Variants in SEMA5A observed in about 807,000 individuals in gnomAD.
SEMA5A encodes semaphorin-5A.
Under a neutral mutation model 135.5 loss-of-function variants are expected in SEMA5A, and 55 were observed. That is an observed-to-expected ratio of 0.41 (90% confidence interval 0.33 to 0.51). The LOEUF is 0.51. SEMA5A is among the 20% of genes least tolerant of loss of function. SEMA5A has a pLI of 0.37. For missense variants in SEMA5A, 1,290 were observed against 1,419.9 expected (o/e 0.91, Z 1.47); for synonymous variants, 580 against 546.5 (o/e 1.06, Z -0.85).
intron 3 of SEMA5A, among the ~76,000 whole-genome samples, chr5:9,376,413 C>G (rs1277668552): frequency 6.6e-6 from 1 of 152,204 alleles, no homozygotes; most frequent in African/African-American, 2.4e-5. Context: ...CACCTTCTAA[C>G]AATCACTTGG....
At chr5:9,287,179 C>T (rs906303550) in intron 5 of SEMA5A, among the ~76,000 whole-genome samples, 7 of 152,130 alleles carry the variant, frequency 4.6e-5, no homozygotes, top group Non-Finnish European at 7.4e-5. Flanking sequence ...CACATGTGTA[C>T]GATGGATACA....
At chr5:9,222,519 G>A (rs1265379777) in intron 8 of SEMA5A, among the ~76,000 whole-genome samples, 1 of 152,194 alleles carries the variant, frequency 6.6e-6, no homozygotes, top group East Asian at 1.9e-4. Flanking sequence ...CCTGAGAAAT[G>A]CAGGCTATTC....
At chr5:9,059,946 A>G (rs1432616307) in intron 18 of SEMA5A, among the ~76,000 whole-genome samples, 1 of 152,236 alleles carries the variant, frequency 6.6e-6, no homozygotes, top group African/African-American at 2.4e-5. Flanking sequence ...ACAGGGTTAA[A>G]GAAGAGTAAA....
At chr5:9,134,663 T>C (rs182484456) in intron 13 of SEMA5A, among the ~76,000 whole-genome samples, 135 of 152,310 alleles carry the variant, frequency 8.9e-4, no homozygotes, top group Admixed American at 2.4e-3. Flanking sequence ...CTCTCAGATA[T>C]ATACTAAAAC....
chr5:9,257,856 GCAAGTCAGCCC>G (rs1377220211), intron 5 of SEMA5A, among the ~76,000 whole-genome samples: 4 of 152,222 alleles, frequency 2.6e-5, no homozygotes, highest in African/African-American at 9.6e-5. Context: ...GGTGTGCAGG[GCAAGTCAGCCC>G]CTAGACAGCT....
At chr5:9,304,412 TC>T (rs1344877910) in intron 5 of SEMA5A, among the ~76,000 whole-genome samples, 3 of 152,152 alleles carry the variant, frequency 2.0e-5, no homozygotes, top group African/African-American at 7.2e-5. Context: ...ATCTGATTTG[TC>T]CTTTTCATGT....
At chr5:9,154,716 A>C in intron 11 of SEMA5A, 21 bp from the exon 12 acceptor site, 1 of 1,607,706 alleles carries the variant, frequency 6.2e-7, no homozygotes, top group Non-Finnish European at 8.5e-7. Context: ...CACAGGATGA[A>C]AAGGAAACAA....
chr5:9,374,858 C>A (rs1425233513), intron 3 of SEMA5A, among the ~76,000 whole-genome samples: 1 of 151,960 alleles, frequency 6.6e-6, no homozygotes, highest in Non-Finnish European at 1.5e-5. Flanking sequence ...TCCAGGCTCA[C>A]TGGAGGTGGA....
In SEMA5A at chr5:9,434,552, A is replaced by T. The variant is rs186194845; in HGVS notation, c.-78+3204T>A. On this transcript the variant is annotated intron_variant, in intron 2 of 22. Transcript: ENST00000382496. ...TTTAGAGTATGGTATATATTAATATATATTCTAGGAGACTTTATAATACAC... is the reference window on the plus strand; with the variant it reads ...TTTAGAGTATGGTATATATTAATATTTATTCTAGGAGACTTTATAATACAC... Among the ~76,000 whole-genome samples the T allele has an allele frequency of 5.1e-3, 771 of 152,186 alleles. 3 individuals carry two copies. The highest frequency in any genetic ancestry group is 8.1e-3 in the Non-Finnish European group (552 of 68,006).
intron 4 of SEMA5A, among the ~76,000 whole-genome samples, chr5:9,326,714 G>A (rs1752895848): frequency 1.3e-5 from 2 of 152,136 alleles, no homozygotes; most frequent in Admixed American, 1.3e-4. Flanking sequence ...GTGCAAGGTG[G>A]AGGTTGCACT....
intron 11 of SEMA5A, among the ~76,000 whole-genome samples, chr5:9,188,462 C>G (rs775569620): frequency 1.3e-5 from 2 of 152,140 alleles, no homozygotes; most frequent in Non-Finnish European, 2.9e-5. Flanking sequence ...CTTGGACTTA[C>G]GTGGGGAGTA....
intron 16 of SEMA5A, among the ~76,000 whole-genome samples, chr5:9,073,295 C>T (rs1737868845): frequency 6.6e-6 from 1 of 152,034 alleles, no homozygotes; most frequent in Admixed American, 6.5e-5. Context: ...CAATGAAAGA[C>T]TGGGTTATCA....
At chr5:9,449,667 TAAAGTTAGCTTTAACATCAGTC>T (rs1292964801) in intron 1 of SEMA5A, among the ~76,000 whole-genome samples, 2 of 152,100 alleles carry the variant, frequency 1.3e-5, no homozygotes, top group Non-Finnish European at 2.9e-5. Flanking sequence ...GGCATATCCC[TAAAGTTAGCTTTAACATCAGTC>T]AAAATCACCC....
At chr5:9,281,107 AT>A (rs1750519381) in intron 5 of SEMA5A, among the ~76,000 whole-genome samples, 1 of 152,188 alleles carries the variant, frequency 6.6e-6, no homozygotes, top group South Asian at 2.1e-4. Context: ...AGTTATCAGA[AT>A]TTCATTTCTA....
intron 5 of SEMA5A, among the ~76,000 whole-genome samples, chr5:9,249,769 G>T (rs1240443479): frequency 1.3e-5 from 2 of 152,128 alleles, no homozygotes; most frequent in African/African-American, 4.8e-5. Flanking sequence ...GGAGGTCAAG[G>T]CTTGAGCTGG....
intron 2 of SEMA5A, among the ~76,000 whole-genome samples, chr5:9,430,513 G>C (rs900329087): frequency 6.6e-6 from 1 of 152,142 alleles, no homozygotes; most frequent in Non-Finnish European, 1.5e-5. Context: ...GGACTCCAGT[G>C]CTTGGATGGC....
At chr5:9,106,006 G>A (rs1476337829) in intron 16 of SEMA5A, among the ~76,000 whole-genome samples, 1 of 152,190 alleles carries the variant, frequency 6.6e-6, no homozygotes, top group African/African-American at 2.4e-5. Flanking sequence ...CAATTAGTGT[G>A]AGCTGGCATT....
intron 1 of SEMA5A, among the ~76,000 whole-genome samples, chr5:9,466,383 A>T (rs375621012): frequency 8.6e-3 from 11 of 1,278 alleles, no homozygotes; most frequent in Middle Eastern, 0.5. Context: ...AATAAAATTT[A>T]AAAAAAAAAA....
At chr5:9,303,352 G>C (rs988620401) in intron 5 of SEMA5A, among the ~76,000 whole-genome samples, 22 of 151,980 alleles carry the variant, frequency 1.4e-4, no homozygotes, top group Non-Finnish European at 2.9e-4. Flanking sequence ...TCCTAACCTC[G>C]TGATCCACCT....
Sources: gnomAD v4.1 joint callset for allele counts (sites outside exome capture counted in the v4.1 genomes callset) on GRCh38, gnomAD v4.1.1 for gene constraint, MANE v1.5 for transcripts, NCBI Gene and HGNC (gene_info 2026-07-23, HGNC 2026-07-21) for gene names.